TENM3: variants seen among roughly 807,000 people sequenced by gnomAD.
The protein encoded by TENM3 is teneurin transmembrane protein 3.
In TENM3, 63 loss-of-function variants were observed where a neutral mutation model predicts 255.1. The observed-to-expected ratio is 0.25, with a 90% CI of 0.20 to 0.30. The LOEUF (loss-of-function observed/expected upper bound fraction) is 0.30, where lower values mean the gene tolerates loss of function less well. TENM3 is among the 10% of genes least tolerant of loss of function. The probability of loss-of-function intolerance (pLI) is 1.00; values close to 1 mark genes in which losing one functional copy is unlikely to be tolerated. For missense variants in TENM3, 2,929 were observed against 3,461.1 expected (o/e 0.85, Z 3.86); for synonymous variants, 1,306 against 1,322.3 (o/e 0.99, Z 0.27).
At chr4:182,475,013 C>T (rs1733532812) in intron 3 of TENM3, among the ~76,000 whole-genome samples, 1 of 152,166 alleles carries the variant, frequency 6.6e-6, no homozygotes, top group African/African-American at 2.4e-5. Context: ...GTTAGTCATG[C>T]TTCATTAAAA....
At chr4:182,253,329 C>T (rs181846839) in intron 1 of TENM3, among the ~76,000 whole-genome samples, 10 of 152,204 alleles carry the variant, frequency 6.6e-5, no homozygotes, top group Admixed American at 2.0e-4. Context: ...AAGAGTTATC[C>T]GGGTGTAGTG....
At chr4:181,823,396 A>G in the TENM3 span, among the ~76,000 whole-genome samples, 1 of 152,060 alleles carries the variant, frequency 6.6e-6, no homozygotes, top group Admixed American at 6.6e-5. Flanking sequence ...TGAAAGAGCT[A>G]CTGTGGAAGT....
At chr4:181,729,925 A>T in the TENM3 span, among the ~76,000 whole-genome samples, 1 of 152,220 alleles carries the variant, frequency 6.6e-6, no homozygotes, top group Non-Finnish European at 1.5e-5. Context: ...TTCTAGCTAC[A>T]CAATGTTGTC....
At chr4:182,365,887 G>T (rs967791649) in intron 3 of TENM3, among the ~76,000 whole-genome samples, 1 of 152,110 alleles carries the variant, frequency 6.6e-6, no homozygotes, top group Admixed American at 6.5e-5. Flanking sequence ...CTACAAATCT[G>T]TACAGCCTGT....
intron 3 of TENM3, among the ~76,000 whole-genome samples, chr4:182,465,725 A>G (rs2151421767): frequency 6.6e-6 from 1 of 152,304 alleles, no homozygotes; most frequent in South Asian, 2.1e-4. Flanking sequence ...TCGGTGCTTT[A>G]TTATTAATAA....
chr4:181,461,931 T>C, the TENM3 span, among the ~76,000 whole-genome samples: 114,909 of 152,042 alleles, frequency 0.76, 43,693 homozygotes, highest in African/African-American at 0.84. Context: ...TTGAATTGAA[T>C]GCCAGACATT....
the TENM3 span, among the ~76,000 whole-genome samples, chr4:181,583,330 T>C: frequency 1.3e-5 from 2 of 152,152 alleles, no homozygotes; most frequent in Non-Finnish European, 2.9e-5. Context: ...CTGGCTATGA[T>C]TTGTGTGGGC....
At chr4:181,594,391 A>G in the TENM3 span, among the ~76,000 whole-genome samples, 2 of 152,220 alleles carry the variant, frequency 1.3e-5, no homozygotes, top group Non-Finnish European at 2.9e-5. Flanking sequence ...CATCAAATCA[A>G]TGGTCCACTC....
At chr4:182,555,153 TA>T (rs1353573490) in intron 3 of TENM3, among the ~76,000 whole-genome samples, 1 of 152,174 alleles carries the variant, frequency 6.6e-6, no homozygotes, top group African/African-American at 2.4e-5. Context: ...AAAACCATTC[TA>T]ATAGAATTAG....
At chr4:182,525,023 C>T (rs1315048867) in intron 3 of TENM3, among the ~76,000 whole-genome samples, 1 of 152,012 alleles carries the variant, frequency 6.6e-6, no homozygotes, top group African/African-American at 2.4e-5. Context: ...GAGTGAGACC[C>T]TGTCTCAACA....
the TENM3 span, among the ~76,000 whole-genome samples, chr4:181,784,978 G>C: frequency 6.6e-6 from 1 of 152,072 alleles, no homozygotes; most frequent in Non-Finnish European, 1.5e-5. Flanking sequence ...AATGATTTAA[G>C]AAAAATACAA....
chr4:181,843,346 C>A, the TENM3 span, among the ~76,000 whole-genome samples: 2 of 152,152 alleles, frequency 1.3e-5, no homozygotes, highest in Non-Finnish European at 2.9e-5. Context: ...GAAACATAGT[C>A]CTAACAAGCT....
the TENM3 span, among the ~76,000 whole-genome samples, chr4:181,944,945 A>G: frequency 6.6e-6 from 1 of 152,040 alleles, no homozygotes; most frequent in Non-Finnish European, 1.5e-5. Context: ...CTGCTCATTT[A>G]TCTGTCAGGT....
intron 24 of TENM3, 88 bp downstream of exon 24, chr4:182,775,241 C>A (rs921460551): frequency 2.6e-6 from 3 of 1,146,652 alleles, no homozygotes; most frequent in Non-Finnish European, 3.9e-6. Context: ...CCTGCTCACC[C>A]CCCTATGTCT....
intron 3 of TENM3, among the ~76,000 whole-genome samples, chr4:182,506,184 G>A (rs771936704): frequency 1.8e-4 from 28 of 152,178 alleles, no homozygotes; most frequent in Non-Finnish European, 3.5e-4. Context: ...CTTTAGCCCT[G>A]TGCATATGAC....
intron 1 of TENM3, among the ~76,000 whole-genome samples, chr4:182,258,753 C>T (rs536256597): frequency 1.4e-4 from 22 of 152,140 alleles, no homozygotes; most frequent in Non-Finnish European, 2.5e-4. Flanking sequence ...GACCATGCAG[C>T]GACTACCTAT....
At chr4:182,772,544 ATTTTTGCTTTTTTT>A (rs781007427) in intron 22 of TENM3, 2 of 147,058 alleles carry the variant, frequency 1.4e-5, no homozygotes, top group Non-Finnish European at 3.0e-5. Context: ...TCTCATCCAG[ATTTTTGCTTTTTTT>A]TTTTTCTTTC....
chr4:181,919,374 GGTGTGTGTGTGT>G, the TENM3 span, among the ~76,000 whole-genome samples: 4 of 146,744 alleles, frequency 2.7e-5, no homozygotes, highest in South Asian at 2.2e-4. Flanking sequence ...AAGCAAAGCA[GGTGTGTGTGTGT>G]GTGTGTGTGT....
Position 182,752,047 on chromosome 4 carries a change from C to G in TENM3, c.3862+15C>G, listed in dbSNP as rs376443071. On this transcript the variant is annotated intron_variant, in intron 20 of 27. Transcript: ENST00000511685. ...GAGTCCCAAAGGTACCGGCAGTTGG[C>G]GATTTGAGGATTTCTTTTTATTTAT... 3.9e-5 allele frequency: 50 copies of G among 1,297,794 alleles called. No individual in the cohort carries two copies. Among genetic ancestry groups the G allele is most frequent in the Admixed American group, 1.9e-4 (6 of 31,748 alleles). The allele number at this position is 1,297,794 out of a possible 1,614,324, so 80.4% of individuals were successfully genotyped here. A position where few individuals can be genotyped will look rare whatever the true frequency, so the allele number is the denominator to read the frequency against.
Sources: allele counts gnomAD v4.1 joint callset (sites outside exome capture counted in the v4.1 genomes callset), GRCh38; gene constraint gnomAD v4.1.1; transcripts MANE v1.5; gene names NCBI Gene and HGNC (gene_info 2026-07-23, HGNC 2026-07-21).